Variants in HECTD3 observed in about 807,000 individuals in gnomAD.
HECTD3 encodes HECT domain E3 ubiquitin protein ligase 3, also known as E3 ubiquitin-protein ligase HECTD3.
In HECTD3, 72 loss-of-function variants were observed where a neutral mutation model predicts 109.3. The observed-to-expected ratio is 0.66, with a 90% CI of 0.54 to 0.80. The LOEUF is 0.80. HECTD3 is among the 30% of genes least tolerant of loss of function. The probability of loss-of-function intolerance (pLI) is 0.00; values close to 1 mark genes in which losing one functional copy is unlikely to be tolerated. For synonymous variants in HECTD3, 481 were observed against 471.8 expected (o/e 1.02, Z -0.25); for missense variants, 1,041 against 1,165.2 (o/e 0.89, Z 1.55).
rs201979327 is a variant in HECTD3 at position 45,010,742 on chromosome 1, G to A, written c.370-36C>T. The A allele has an allele frequency of 1.7e-4, 255 of 1,523,854 alleles. 5 individuals carry two copies. The African/African-American group carries it at 2.7e-3, about 16-fold the overall frequency. The allele number at this position is 1,523,854 out of a possible 1,614,324, so 94.4% of individuals were successfully genotyped here. A position where few individuals can be genotyped will look rare whatever the true frequency, so the allele number is the denominator to read the frequency against. Reference sequence around the variant, plus strand: ...GCGTAGGATGGGGACAGCCGTCAGGGAACTGCCCAGCCGCCTGTCGTGCCC... The same window carrying A: ...GCGTAGGATGGGGACAGCCGTCAGGAAACTGCCCAGCCGCCTGTCGTGCCC... On this transcript the variant is annotated intron_variant, in intron 1 of 20. Transcript: ENST00000372172.
At position 45,008,625 on chromosome 1, in the gene HECTD3, G is replaced by A. The variant is rs747697910; in HGVS notation, c.1149C>T (p.Asp383=). 1.2e-6 allele frequency: 2 copies of A among 1,613,894 alleles called. No individual in the cohort carries two copies. Among genetic ancestry groups the A allele is most frequent in the African/African-American group, 1.3e-5 (1 of 74,906 alleles). Residue 383 remains aspartate, a synonymous_variant, in exon 8 of 21, where the codon GAC becomes GAT. Coordinates refer to ENST00000372172, the MANE Select transcript of HECTD3 (RefSeq NM_024602.6). ...GCACCAGACTAGTTGGCTGGAACAG[G>A]TCTGCATTCAACCCTAGTTCCCGCT... is the stretch of plus-strand genomic sequence containing the variant. ...SRQRELGLNA[D]LFQPTSLVRY...
Position 45,010,290 on chromosome 1 carries a change from C to G in HECTD3, c.534G>C (p.Trp178Cys). The G allele has an allele frequency of 1.9e-6, 3 of 1,613,894 alleles. No homozygotes were observed. The highest frequency in any genetic ancestry group is 1.7e-6 in the Non-Finnish European group (2 of 1,179,936). Residue 178 changes from tryptophan to cysteine, a missense_variant, in exon 3 of 21, where the codon TGG becomes TGC. This residue lies in a region of HECTD3 where 472 missense variants were observed against 449.9 expected (regional missense o/e 1.05). Transcript: ENST00000372172. ...FGVDYRPVLR[W>C]EQVVDLTYSH... Reference sequence around the variant, plus strand: ...AGTATGTCAGGTCCACCACCTGTTCCCACCTGTGGGCACAGAGTAGGGAGT... The same window carrying G: ...AGTATGTCAGGTCCACCACCTGTTCGCACCTGTGGGCACAGAGTAGGGAGT...
In HECTD3 at chr1:45,010,136, G is replaced by T. The variant is rs898562966; in HGVS notation, c.624-15C>A. The T allele has an allele frequency of 6.2e-7, 1 of 1,612,944 alleles. No individual in the cohort carries two copies. The highest frequency in any genetic ancestry group is 8.5e-7 in the Non-Finnish European group (1 of 1,179,198). On this transcript the variant is annotated splice_polypyrimidine_tract_variant and intron_variant, in intron 3 of 20. Transcript: ENST00000372172. ...GGGGTACATAGCTAAGCAACCCCAA[G>T]CCCCTAATTAGACTGGGCCCAGACG...
Position 45,009,699 on chromosome 1 carries a change from G to T in HECTD3, c.760-16C>A. Reference sequence around the variant, plus strand: ...TGAACTCCTCCTGGGGAGGGGCAGAGACGTGAAGTCAGCAGTTACCCTCCC... The same window carrying T: ...TGAACTCCTCCTGGGGAGGGGCAGATACGTGAAGTCAGCAGTTACCCTCCC... On this transcript the variant is annotated splice_polypyrimidine_tract_variant and intron_variant, in intron 4 of 20. Transcript: ENST00000372172. 1.9e-6 allele frequency: 3 copies of T among 1,588,146 alleles called. No individual in the cohort carries two copies. Among genetic ancestry groups the T allele is most frequent in the Non-Finnish European group, 1.7e-6 (2 of 1,157,306 alleles).
intron 16 of HECTD3, 60 bp from the exon 17 acceptor site, chr1:45,004,437 G>C (rs1644717822): frequency 6.8e-6 from 11 of 1,611,818 alleles, no homozygotes; most frequent in Admixed American, 5.0e-5. Context: ...CCTCACACTG[G>C]GGGGCATCAC....
In HECTD3 at chr1:45,006,630, C is replaced by T. The variant is rs1644738124; in HGVS notation, c.1725+62G>A. On this transcript the variant is annotated intron_variant, in intron 13 of 20. Coordinates refer to ENST00000372172, the MANE Select transcript of HECTD3 (RefSeq NM_024602.6). This position sits in a 1 kb window ranked among gnomAD's most constrained non-coding sequence, Gnocchi z 4.7. ...TTCTAGCTCAATCTGGCCCCCTCCT[C>T]TGCCCCCTTTCTAGCTCAATCTGGC... 4.2e-6 allele frequency: 6 copies of T among 1,422,770 alleles called. No homozygotes were observed. In the African/African-American group the frequency reaches 7.1e-5, roughly 17 times the overall value. The allele number at this position is 1,422,770 out of a possible 1,614,324, so 88.1% of individuals were successfully genotyped here.
Position 45,006,793 on chromosome 1 carries a change from C to T in HECTD3, c.1624G>A (p.Gly542Ser). The change falls in exon 13 of 21, where the codon GGT (glycine) becomes AGT (serine). Residue 542 changes from glycine to serine, a missense_variant and splice_region_variant. Coordinates refer to ENST00000372172, the MANE Select transcript of HECTD3 (RefSeq NM_024602.6). This position sits in a 1 kb window ranked among gnomAD's most constrained non-coding sequence, Gnocchi z 4.7. The stretch of plus-strand genomic sequence containing the variant: ...TCTGCCAGGCTGTCCCGGAAACCAC[C>T]CCCTGAAATGACAGATGCCCTCAGC... ...FIAEGIIDQG[G>S]GFRDSLADMS... The T allele has an allele frequency of 6.2e-7, 1 of 1,612,072 alleles. No homozygotes were observed. The highest frequency in any genetic ancestry group is 8.5e-7 in the Non-Finnish European group (1 of 1,178,854).
chr1:45,007,019 C>CA lies in HECTD3; in HGVS notation c.1557-5dup. The CA allele has an allele frequency of 1.2e-6, 2 of 1,613,944 alleles. No homozygotes were observed. The highest frequency in any genetic ancestry group is 1.7e-6 in the Non-Finnish European group (2 of 1,179,994). On this transcript the variant is annotated splice_region_variant and splice_polypyrimidine_tract_variant and intron_variant, in intron 11 of 20. Transcript: ENST00000372172. ...CTGGTCATAGCGCATGGGCCACCTG[C>CA]AAAAAACGTGGGCAGATTTGTCATT...
At chr1:45,010,494 C>G (rs1286956185) in intron 2 of HECTD3, 52 bp downstream of exon 2, 1 of 1,606,718 alleles carries the variant, frequency 6.2e-7, no homozygotes, top group Non-Finnish European at 8.5e-7. Flanking sequence ...TGTTCCCAAG[C>G]CCTCCTGGCC....
intron 17 of HECTD3, 52 bp downstream of exon 17, chr1:45,004,196 A>G: frequency 1.9e-6 from 3 of 1,613,666 alleles, no homozygotes; most frequent in South Asian, 1.1e-5. Flanking sequence ...TTGAGCCCCA[A>G]CCCCTGTGCT....
Position 45,007,491 on chromosome 1 carries a change from G to A in HECTD3, c.1425C>T (p.Tyr475=), listed in dbSNP as rs753263425. 1.9e-6 allele frequency: 3 copies of A among 1,614,128 alleles called. No individual in the cohort carries two copies. The highest frequency in any genetic ancestry group is 1.6e-4 in the Middle Eastern group (1 of 6,062). Reference sequence around the variant, plus strand: ...GTTCCATGGCAAGACGGCGGTTGATGTATAGGCGTGGCATGAAGCTGGGCT... The same window carrying A: ...GTTCCATGGCAAGACGGCGGTTGATATATAGGCGTGGCATGAAGCTGGGCT... ...SSKPSFMPRL[Y]INRRLAMEHR... The change falls in exon 10 of 21, where the codon TAC becomes TAT. Residue 475 remains tyrosine, a synonymous_variant. Coordinates refer to ENST00000372172, the MANE Select transcript of HECTD3 (RefSeq NM_024602.6).
In HECTD3 at chr1:45,008,692, A is replaced by G; in HGVS notation, c.1082T>C (p.Ile361Thr). Residue 361 changes from isoleucine to threonine, a missense_variant, in exon 8 of 21, where the codon ATT (isoleucine) becomes ACT (threonine). This residue lies in a region of HECTD3 where 569 missense variants were observed against 715.3 expected (regional missense o/e 0.80). Coordinates refer to ENST00000372172, the MANE Select transcript of HECTD3 (RefSeq NM_024602.6). ...CTTGACCCCTCGGAGACGAACATCAATCCCATCATCTGGGGGAAGGGGTCA... is the reference window on the plus strand; with the variant it reads ...CTTGACCCCTCGGAGACGAACATCAGTCCCATCATCTGGGGGAAGGGGTCA... ...IRIVECRDDG[I>T]DVRLRGVKIK... 1 of 1,613,268 alleles carries G rather than the reference A, an allele frequency of 6.2e-7. No homozygotes were observed. Among genetic ancestry groups the G allele is most frequent in the Non-Finnish European group, 8.5e-7 (1 of 1,179,750 alleles).
chr1:45,009,083 C>G (rs2275598), intron 7 of HECTD3, 61 bp downstream of exon 7: 346,836 of 1,291,064 alleles, frequency 0.27, 48,778 homozygotes, highest in African/African-American at 0.41. Context: ...CACACACACT[C>G]TCTGTTTGCC....
At position 45,004,099 on chromosome 1, in the gene HECTD3, C is replaced by T. The variant is rs772646025; in HGVS notation, c.2308G>A (p.Val770Met). The change falls in exon 18 of 21, where the codon GTG (valine) becomes ATG (methionine). Residue 770 changes from valine to methionine, a missense_variant. By Grantham distance (21) the Val-to-Met change is conservative (BLOSUM62 1). This residue lies in a region of HECTD3 where 569 missense variants were observed against 715.3 expected (regional missense o/e 0.80). Coordinates refer to ENST00000372172, the MANE Select transcript of HECTD3 (RefSeq NM_024602.6). ...FEDFEPSDSR[V>M]QYFWEALNNF... ...TTCAGTGCCTCCCAGAAATACTGCA[C>T]CCGCGAGTCAGATGGCTCGAAGTCC... is the stretch of plus-strand genomic sequence containing the variant. The T allele has an allele frequency of 3.1e-6, 5 of 1,614,096 alleles. No individual in the cohort carries two copies. The South Asian group carries it at 4.4e-5, about 14-fold the overall frequency.
In HECTD3 at chr1:45,006,144, G is replaced by A. The variant is rs908138745; in HGVS notation, c.1726-28C>T. On this transcript the variant is annotated intron_variant, in intron 13 of 20. Coordinates refer to ENST00000372172, the MANE Select transcript of HECTD3 (RefSeq NM_024602.6). The surrounding 1 kb of genome is among the most constrained non-coding windows in gnomAD (Gnocchi z 4.7). The stretch of plus-strand genomic sequence containing the variant: ...GCCCCAGAGACAGAGCTGTGAGTGT[G>A]GCATGAGATACACCCTATTTTCCTG... 6.8e-6 allele frequency: 11 copies of A among 1,606,978 alleles called. No individual in the cohort carries two copies. In the African/African-American group the frequency reaches 1.3e-4, roughly 20 times the overall value.
chr1:45,009,009 C>A, intron 7 of HECTD3, 135 bp downstream of exon 7: 1 of 777,190 alleles, frequency 1.3e-6, no homozygotes, highest in South Asian at 1.6e-5. Context: ...GGCCCCAAAG[C>A]TCCAAATCCT....
Position 45,003,543 on chromosome 1 carries a change from C to T in HECTD3, c.2535G>A (p.Ala845=), listed in dbSNP as rs188567783. Residue 845 remains alanine (A), a synonymous_variant, in exon 21 of 21, where the codon GCG becomes GCA. Transcript: ENST00000372172. The surrounding 1 kb of genome is among the most constrained non-coding windows in gnomAD (Gnocchi z 4.7). ...AKVCEEKLRY[A]AYNCVAIDTD... ...TGTCGATGGCCACGCAGTTGTAGGC[C>T]GCATAGCGGAGCTTCTCCTCGCATA... is the stretch of plus-strand genomic sequence containing the variant. 3.1e-4 allele frequency: 493 copies of T among 1,614,200 alleles called. 1 individual carries two copies. Among genetic ancestry groups the T allele is most frequent in the Middle Eastern group, 2.0e-3 (12 of 6,062 alleles).
chr1:45,008,155 G>T, intron 9 of HECTD3, 85 bp downstream of exon 9: 3 of 1,090,360 alleles, frequency 2.8e-6, no homozygotes, highest in South Asian at 1.4e-5. Context: ...CCCTAGAGTA[G>T]ATTTTAGGAA....
chr1:45,007,232 G>A lies in HECTD3; in HGVS notation c.1543C>T (p.Pro515Ser). Residue 515 changes from proline (P) to serine (S), a missense_variant, in exon 11 of 21, where the codon CCC becomes TCC. This residue lies in a region of HECTD3 where 569 missense variants were observed against 715.3 expected (regional missense o/e 0.80). Coordinates refer to ENST00000372172, the MANE Select transcript of HECTD3 (RefSeq NM_024602.6). ...GLKPSDKYEKPLDYRWPMRYD... is the reference protein window; with the variant it reads ...GLKPSDKYEKSLDYRWPMRYD... ...CTCATGCCATACCTGTAGTCCAGGG[G>A]CTTTTCATATTTGTCAGAGGGCTTG... 6.2e-7 allele frequency: 1 copy of A among 1,613,354 alleles called. No homozygotes were observed. The highest frequency in any genetic ancestry group is 8.5e-7 in the Non-Finnish European group (1 of 1,179,636).
Sources: allele counts gnomAD v4.1 joint callset, GRCh38; gene constraint gnomAD v4.1.1; regional missense constraint gnomAD v4.1.1; non-coding constraint Gnocchi (gnomAD v3.1); transcripts MANE v1.5; gene names NCBI Gene and HGNC (gene_info 2026-07-23, HGNC 2026-07-21).